The following KIRREL1 variants were observed in gnomAD, a reference collection of about 807,000 sequenced individuals.
KIRREL1 encodes the protein kin of IRRE-like protein 1.
In KIRREL1, 25 loss-of-function variants were observed where a neutral mutation model predicts 83.3. The ratio of observed to expected loss-of-function variants is 0.30; its 90% CI spans 0.22 to 0.42. The LOEUF is 0.42. Among genes scored for constraint, KIRREL1 ranks in the 10% least tolerant of loss-of-function variants. KIRREL1 has a pLI of 1.00. For missense variants in KIRREL1, 812 were observed against 1,032.3 expected (o/e 0.79, Z 2.92); for synonymous variants, 388 against 410.4 (o/e 0.95, Z 0.66).
At chr1:158,023,588 G>T (rs1276066650) in intron 1 of KIRREL1, among the ~76,000 whole-genome samples, 1 of 152,106 alleles carries the variant, frequency 6.6e-6, no homozygotes, top group Non-Finnish European at 1.5e-5. Context: ...AAGGCAGCTG[G>T]GTACCATGGA....
At position 157,993,748 on chromosome 1, in the gene KIRREL1, C is replaced by A; in HGVS notation, c.52+20C>A. The A allele has an allele frequency of 6.8e-7, 1 of 1,467,112 alleles. No homozygotes were observed. Among genetic ancestry groups the A allele is most frequent in the Non-Finnish European group, 9.1e-7 (1 of 1,101,572 alleles). 90.9% of individuals were successfully genotyped at this position (1,467,112 alleles called of 1,614,324 possible). On this transcript the variant is annotated intron_variant, in intron 1 of 14. Transcript: ENST00000359209. The stretch of plus-strand genomic sequence containing the variant: ...CCCAAGGTAAGGGCCCCCAGCCCAC[C>A]CCCGGACGCTCGGCTTCCCCCCGGG...
At chr1:157,995,817 G>T (rs150524998) in intron 1 of KIRREL1, among the ~76,000 whole-genome samples, 123 of 151,322 alleles carry the variant, frequency 8.1e-4, no homozygotes, top group African/African-American at 2.8e-3. Context: ...GGATACCAGA[G>T]AAAAGAAAGG....
chr1:158,088,343 A>G lies in KIRREL1; in HGVS notation c.933A>G (p.Val311=). 2 of 1,613,424 alleles carry G rather than the reference A, an allele frequency of 1.2e-6. No individual in the cohort carries two copies. Among genetic ancestry groups the G allele is most frequent in the Non-Finnish European group, 1.7e-6 (2 of 1,179,728 alleles). Residue 311 remains valine (V), a synonymous_variant, in exon 8 of 15, where the codon GTA becomes GTG. Transcript: ENST00000359209. ...LVNVHFAPRI[V]VDPKPTTTDI... The stretch of plus-strand genomic sequence containing the variant: ...CCCTCACAGTTGCTCCCCGGATTGT[A>G]GTTGACCCCAAACCCACAACCACAG...
intron 1 of KIRREL1, among the ~76,000 whole-genome samples, chr1:158,005,296 T>C (rs756153148): frequency 3.9e-5 from 6 of 152,210 alleles, no homozygotes; most frequent in Non-Finnish European, 5.9e-5. Flanking sequence ...GGATCATTGA[T>C]TTGGGAGCAT....
intron 1 of KIRREL1, among the ~76,000 whole-genome samples, chr1:158,009,944 G>A: frequency 6.6e-6 from 1 of 152,188 alleles, no homozygotes; most frequent in East Asian, 1.9e-4. Context: ...AGGCAGTATG[G>A]AAAGAGCACT....
chr1:158,086,554 G>T lies in KIRREL1; in HGVS notation c.511-42G>T, dbSNP rs964930898. ...GGTCAACTTAAGAGCAGAGGAGGGG[G>T]CTTTTAGCTTAACCATATCTCCCAC... On this transcript the variant is annotated intron_variant, in intron 4 of 14. Coordinates refer to ENST00000359209, the MANE Select transcript of KIRREL1 (RefSeq NM_018240.7). 5.8e-6 allele frequency: 9 copies of T among 1,543,868 alleles called. No individual in the cohort carries two copies. In the Admixed American group the frequency reaches 5.9e-5, roughly 10 times the overall value.
At chr1:158,053,988 G>A (rs970079331) in intron 1 of KIRREL1, among the ~76,000 whole-genome samples, 2 of 151,932 alleles carry the variant, frequency 1.3e-5, no homozygotes, top group South Asian at 2.1e-4. Context: ...TGAGGCGGGT[G>A]GATCACGAGG....
intron 1 of KIRREL1, among the ~76,000 whole-genome samples, chr1:158,031,340 CGT>C (rs111755535): frequency 0.027 from 4,027 of 151,170 alleles, 164 homozygotes; most frequent in African/African-American, 0.084. Context: ...CACACACGCG[CGT>C]GCACACACAC....
intron 1 of KIRREL1, among the ~76,000 whole-genome samples, chr1:158,007,628 G>A (rs553402948): frequency 9.2e-5 from 14 of 152,050 alleles, no homozygotes; most frequent in Non-Finnish European, 8.8e-5. Flanking sequence ...CGTGTGTCTG[G>A]GGGGAGAGTG....
At chr1:158,038,078 C>T (rs1305287771) in intron 1 of KIRREL1, among the ~76,000 whole-genome samples, 2 of 152,202 alleles carry the variant, frequency 1.3e-5, no homozygotes, top group African/African-American at 2.4e-5. Flanking sequence ...CTGGGGAGCT[C>T]GTCTCAGGCC....
chr1:158,010,323 A>G (rs931449645), intron 1 of KIRREL1, among the ~76,000 whole-genome samples: 4 of 111,818 alleles, frequency 3.6e-5, no homozygotes, highest in African/African-American at 1.5e-4. Context: ...AGTCCCCACC[A>G]TAAACACACA....
intron 1 of KIRREL1, among the ~76,000 whole-genome samples, chr1:158,043,952 C>A (rs767434724): frequency 6.6e-6 from 1 of 152,178 alleles, no homozygotes; most frequent in Non-Finnish European, 1.5e-5. Flanking sequence ...ACATTTCCAT[C>A]TGTAAAATGG....
intron 1 of KIRREL1, among the ~76,000 whole-genome samples, chr1:158,038,566 A>G (rs1350427604): frequency 3.1e-5 from 4 of 128,000 alleles, no homozygotes; most frequent in Admixed American, 9.9e-5. Context: ...GCCTCAAGTG[A>G]TTCTTGCCTT....
intron 5 of KIRREL1, 38 bp downstream of exon 5, chr1:158,086,784 T>G (rs1662029674): frequency 5.3e-5 from 65 of 1,227,154 alleles, no homozygotes; most frequent in East Asian, 1.1e-4. Context: ...AGCAGGGGGG[T>G]GGAAGAAGGG....
intron 1 of KIRREL1, among the ~76,000 whole-genome samples, chr1:158,029,372 T>TGTGTGTGTGTGTGCGC (rs1190966368): frequency 1.3e-5 from 2 of 149,396 alleles, no homozygotes; most frequent in African/African-American, 5.0e-5. Context: ...TGTGTGCACG[T>TGTGTGTGTGTGTGCGC]GCGCGCGCAT....
At chr1:157,998,151 T>A (rs1031668049) in intron 1 of KIRREL1, among the ~76,000 whole-genome samples, 7 of 152,192 alleles carry the variant, frequency 4.6e-5, no homozygotes, top group African/African-American at 1.7e-4. Context: ...ATTATAGGTG[T>A]GAGCCACTGT....
intron 1 of KIRREL1, among the ~76,000 whole-genome samples, chr1:158,047,318 GACAA>G (rs1270504272): frequency 1.3e-5 from 2 of 152,176 alleles, no homozygotes; most frequent in Non-Finnish European, 2.9e-5. Context: ...GAGCAACACA[GACAA>G]ACAATGATTG....
chr1:158,030,311 C>T (rs976193829), intron 1 of KIRREL1, among the ~76,000 whole-genome samples: 14 of 152,230 alleles, frequency 9.2e-5, no homozygotes, highest in African/African-American at 3.4e-4. Flanking sequence ...TTCTCACCCT[C>T]ACATACACAT....
At chr1:158,001,020 C>T (rs1233381938) in intron 1 of KIRREL1, among the ~76,000 whole-genome samples, 1 of 152,178 alleles carries the variant, frequency 6.6e-6, no homozygotes, top group East Asian at 1.9e-4. Flanking sequence ...ATAACAGGAA[C>T]CCGAGTGTCT....
Sources: gnomAD v4.1 joint callset for allele counts (sites outside exome capture counted in the v4.1 genomes callset) on GRCh38, gnomAD v4.1.1 for gene constraint, MANE v1.5 for transcripts, NCBI Gene and HGNC (gene_info 2026-07-23, HGNC 2026-07-21) for gene names.